The following KRABD5 variants were observed in gnomAD, a reference collection of about 807,000 sequenced individuals.
KRABD5 encodes the protein KRAB domain-containing protein 5.
At chr16:31,724,994 A>C in the KRABD5 span, among the ~76,000 whole-genome samples, 1 of 152,162 alleles carries the variant, frequency 6.6e-6, no homozygotes, top group Non-Finnish European at 1.5e-5. Flanking sequence ...TCATTCATCC[A>C]TGTTGTCAGA....
chr16:31,730,228 A>AT, the KRABD5 span, among the ~76,000 whole-genome samples: 28 of 151,042 alleles, frequency 1.9e-4, no homozygotes, highest in Non-Finnish European at 3.0e-4. Flanking sequence ...AATTCCTTTA[A>AT]TTTTTTTTTT....
At chr16:31,745,880 C>T in the KRABD5 span, among the ~76,000 whole-genome samples, 1 of 151,858 alleles carries the variant, frequency 6.6e-6, no homozygotes, top group East Asian at 1.9e-4. Context: ...TAATACTCTT[C>T]TTTGCTTGTT....
chr16:31,722,716 G>A, the KRABD5 span: 1 of 1,611,624 alleles, frequency 6.2e-7, no homozygotes, highest in African/African-American at 1.3e-5. Flanking sequence ...ATATGGGGAT[G>A]TGATGTTAGA....
At chr16:31,755,348 C>T in the KRABD5 span, 25 of 504,898 alleles carry the variant, frequency 5.0e-5, no homozygotes, top group Non-Finnish European at 8.9e-5. Flanking sequence ...ACGCCTTACT[C>T]AACATCAAAG....
chr16:31,730,874 T>C, the KRABD5 span, among the ~76,000 whole-genome samples: 4 of 152,190 alleles, frequency 2.6e-5, no homozygotes, highest in African/African-American at 7.2e-5. Context: ...CCAAGATTTC[T>C]ATCTGGTTCC....
At chr16:31,722,499 A>G in the KRABD5 span, 1 of 1,011,168 alleles carries the variant, frequency 9.9e-7, no homozygotes, top group Admixed American at 2.6e-5. Flanking sequence ...AAAGTATCTT[A>G]TTGAATATTT....
the KRABD5 span, chr16:31,753,825 C>T: frequency 6.5e-7 from 1 of 1,547,996 alleles, no homozygotes; most frequent in East Asian, 2.4e-5. Flanking sequence ...AGCATCATTC[C>T]AAAAAGTGAT....
chr16:31,754,135 C>G, the KRABD5 span: 8 of 695,522 alleles, frequency 1.2e-5, no homozygotes, highest in South Asian at 1.1e-4. Context: ...GTCCATGTTT[C>G]AAATAATCAT....
At chr16:31,737,196 A>G in the KRABD5 span, among the ~76,000 whole-genome samples, 1 of 151,286 alleles carries the variant, frequency 6.6e-6, no homozygotes, top group African/African-American at 2.4e-5. Flanking sequence ...TAGAAGTTCT[A>G]GCCAGAGCAA....
At chr16:31,725,613 A>G in the KRABD5 span, among the ~76,000 whole-genome samples, 2 of 152,234 alleles carry the variant, frequency 1.3e-5, no homozygotes, top group East Asian at 3.8e-4. Flanking sequence ...CTTTGATAGT[A>G]GACATTCTAA....
At chr16:31,733,669 T>G in the KRABD5 span, 18 of 455,052 alleles carry the variant, frequency 4.0e-5, no homozygotes, top group Non-Finnish European at 7.1e-5. Flanking sequence ...TTGACTATCT[T>G]ATTTCACCTG....
chr16:31,719,025 AGAG>A, the KRABD5 span, among the ~76,000 whole-genome samples: 1 of 152,260 alleles, frequency 6.6e-6, no homozygotes, highest in African/African-American at 2.4e-5. Flanking sequence ...CGAAGAACAA[AGAG>A]GAGTTCTGGA....
the KRABD5 span, among the ~76,000 whole-genome samples, chr16:31,744,673 G>T: frequency 2.6e-5 from 4 of 152,138 alleles, no homozygotes; most frequent in Non-Finnish European, 5.9e-5. Context: ...CTTTTCAATT[G>T]TTTGGAATAG....
chr16:31,727,345 G>A, the KRABD5 span, among the ~76,000 whole-genome samples: 1 of 152,222 alleles, frequency 6.6e-6, no homozygotes, highest in South Asian at 2.1e-4. Context: ...AAGGTTCACG[G>A]CTTCACTCAG....
chr16:31,721,581 A>C, the KRABD5 span, among the ~76,000 whole-genome samples: 1 of 152,064 alleles, frequency 6.6e-6, no homozygotes, highest in Non-Finnish European at 1.5e-5. Flanking sequence ...AAATATTTTT[A>C]TTAAAGAGGA....
chr16:31,714,826 A>T, the KRABD5 span, among the ~76,000 whole-genome samples: 2 of 152,176 alleles, frequency 1.3e-5, no homozygotes, highest in East Asian at 3.9e-4. Context: ...TGGAAGGGAG[A>T]TTGGGAAGCT....
chr16:31,713,614 G>C, the KRABD5 span: 12 of 887,004 alleles, frequency 1.4e-5, no homozygotes, highest in Admixed American at 6.0e-5. Context: ...CCGCGCGTCC[G>C]GTCCCCTCCC....
the KRABD5 span, among the ~76,000 whole-genome samples, chr16:31,743,480 T>C: frequency 6.6e-6 from 1 of 152,192 alleles, no homozygotes; most frequent in Non-Finnish European, 1.5e-5. Context: ...CATTGGTCTA[T>C]ATATCTGTTT....
At chr16:31,717,124 T>C in the KRABD5 span, among the ~76,000 whole-genome samples, 1 of 151,292 alleles carries the variant, frequency 6.6e-6, no homozygotes, top group Non-Finnish European at 1.5e-5. Flanking sequence ...GCCTCCCAAG[T>C]AGCTGGGATT....
Sources: allele counts gnomAD v4.1 joint callset (sites outside exome capture counted in the v4.1 genomes callset), GRCh38; gene constraint gnomAD v4.1.1; transcripts MANE v1.5; gene names NCBI Gene and HGNC (gene_info 2026-07-23, HGNC 2026-07-21).